HOOK2: variants seen among roughly 807,000 people sequenced by gnomAD.
The protein encoded by HOOK2 is hook microtubule tethering protein 2, also known as protein Hook homolog 2.
HOOK2 carries 108 observed loss-of-function variants against 111.9 expected under a neutral mutation model. The ratio of observed to expected loss-of-function variants is 0.96; its 90% CI spans 0.83 to 1.13. The LOEUF (loss-of-function observed/expected upper bound fraction) is 1.13, where lower values mean the gene tolerates loss of function less well. HOOK2 is among the 50% of genes most tolerant of loss of function. The probability of loss-of-function intolerance (pLI) is 0.00; values close to 1 mark genes in which losing one functional copy is unlikely to be tolerated. For missense variants in HOOK2, 978 were observed against 951.3 expected (o/e 1.03, Z -0.37); for synonymous variants, 405 against 394.3 (o/e 1.03, Z -0.32).
chr19:12,780,449 C>T (rs1274327761), upstream of HOOK2, among the ~76,000 whole-genome samples: 1 of 151,308 alleles, frequency 6.6e-6, no homozygotes, highest in African/African-American at 2.4e-5. Flanking sequence ...CTCCGCCTCC[C>T]GGGTTCACAC....
Position 12,772,172 on chromosome 19 carries a change from T to A in HOOK2, c.519+18A>T. On this transcript the variant is annotated intron_variant, in intron 7 of 22. Coordinates refer to ENST00000397668, the MANE Select transcript of HOOK2 (RefSeq NM_013312.3). ...GCTGATCCCTGTGCCTGGAACACCT[T>A]TCCCCCAAATCTCTTACCTGGCTGT... 1.4e-5 allele frequency: 22 copies of A among 1,587,726 alleles called. 1 individual carries two copies. The highest frequency in any genetic ancestry group is 1.9e-5 in the Non-Finnish European group (22 of 1,155,920).
rs769507524 is a variant in HOOK2, at chr19:12,764,790, T to C, written c.1827+24A>G. ...AAGTAAGAAGCCAGGGCAGGCAACT[T>C]GTGGGAACACCCAGCGTCCTCACCA... is the stretch of plus-strand genomic sequence containing the variant. On this transcript the variant is annotated intron_variant, in intron 20 of 22. Coordinates refer to ENST00000397668, the MANE Select transcript of HOOK2 (RefSeq NM_013312.3). The C allele has an allele frequency of 6.9e-6, 11 of 1,599,718 alleles. No homozygotes were observed. The South Asian group carries it at 1.2e-4, about 18-fold the overall frequency.
In HOOK2 at chr19:12,791,256, G is replaced by T. The variant is rs868243062; in HGVS notation, n.42-17031C>A. 6.6e-6 allele frequency among the ~76,000 whole-genome samples: 1 copy of T among 152,052 alleles called. No homozygotes were observed. Among genetic ancestry groups the T allele is most frequent in the East Asian group, 1.9e-4 (1 of 5,178 alleles). On this transcript the variant is annotated intron_variant and non_coding_transcript_variant, in intron 3 of 3. Coordinates refer to the HOOK2 transcript ENST00000589765. This position sits in a 1 kb window ranked among gnomAD's most constrained non-coding sequence, Gnocchi z 7.0. ...GGCCCCCCAGCACCTCCTTCCATGC[G>T]TACCCCGAGGTCCTTTGAGCCCCTC... is the stretch of plus-strand genomic sequence containing the variant.
At position 12,767,413 on chromosome 19, in the gene HOOK2, ATC is replaced by A. The variant is rs760993062; in HGVS notation, c.1353_1354del (p.Glu451AspfsTer81). ...AGGATACCTGAGCTCCGCAGGCAGG[ATC>A]TCTGCGGCTAAGTTATCCACGGGTG... On this transcript the variant is annotated frameshift_variant, in exon 14 of 23. Transcript: ENST00000397668. LOFTEE classifies it high-confidence loss of function. 2 of 1,613,930 alleles carry A rather than the reference ATC, an allele frequency of 1.2e-6. No individual in the cohort carries two copies. Among genetic ancestry groups the A allele is most frequent in the South Asian group, 2.2e-5 (2 of 91,072 alleles).
upstream of HOOK2, among the ~76,000 whole-genome samples, chr19:12,782,864 G>A (rs1431419413): frequency 6.8e-6 from 1 of 146,520 alleles, no homozygotes; most frequent in Non-Finnish European, 1.5e-5. Flanking sequence ...TTGGGGGAGG[G>A]ACCTTTCCCA....
chr19:12,769,835 T>C, intron 11 of HOOK2, 46 bp downstream of exon 11: 1 of 1,360,832 alleles, frequency 7.3e-7, no homozygotes, highest in East Asian at 3.1e-5. Context: ...GTGAGAGACT[T>C]GCTGCCAGGG....
chr19:12,765,933 A>C lies in HOOK2; in HGVS notation c.1593T>G (p.Thr531=). 2 of 1,613,998 alleles carry C rather than the reference A, an allele frequency of 1.2e-6. 1 individual carries two copies. The highest frequency in any genetic ancestry group is 2.2e-5 in the South Asian group (2 of 91,078). Reference sequence around the variant, plus strand: ...GGTGGTGGGTGACACTCACATCTTCAGTCTTGCCCCCCTGCTCCTGCAGGG... The same window carrying C: ...GGTGGTGGGTGACACTCACATCTTCCGTCTTGCCCCCCTGCTCCTGCAGGG... ...QKALQEQGGK[T]EDAISILLKR... is the part of the protein sequence containing the mutation. Residue 531 remains threonine (T), a synonymous_variant, in exon 16 of 23, where the codon ACT becomes ACG. Coordinates refer to ENST00000397668, the MANE Select transcript of HOOK2 (RefSeq NM_013312.3).
chr19:12,773,984 G>A (rs957358602), intron 3 of HOOK2: 3 of 153,142 alleles, frequency 2.0e-5, no homozygotes, highest in African/African-American at 7.2e-5. Flanking sequence ...TTCACTTGGA[G>A]ATTAACCCAT....
intron 11 of HOOK2, 53 bp downstream of exon 11, chr19:12,769,828 A>G (rs1216288656): frequency 2.2e-6 from 3 of 1,343,872 alleles, no homozygotes; most frequent in Non-Finnish European, 1.9e-6. Context: ...GCCAACGGTG[A>G]GAGACTTGCT....
At chr19:12,766,316 G>C in intron 14 of HOOK2, 76 bp from the exon 15 acceptor site, 2 of 1,447,162 alleles carry the variant, frequency 1.4e-6, no homozygotes, top group South Asian at 2.8e-5. Flanking sequence ...GGAGAGTGGA[G>C]CTAGGGGCGG....
Position 12,763,760 on chromosome 19 carries a change from G to A in HOOK2, c.1846C>T (p.Pro616Ser). 12 of 1,614,150 alleles carry A rather than the reference G, an allele frequency of 7.4e-6. No homozygotes were observed. Among genetic ancestry groups the A allele is most frequent in the Non-Finnish European group, 1.0e-5 (12 of 1,180,008 alleles). ...GCCCCCGCAGCTGGCCGCTGCTTGG[G>A]TTCCATGGTCTGCATGACCTACAGG... is the stretch of plus-strand genomic sequence containing the variant. ...KARMVMQTME[P>S]KQRPAAGAPP... Residue 616 changes from proline (P) to serine (S), a missense_variant, in exon 21 of 23, where the codon CCC (proline) becomes TCC (serine). Pro to Ser is a moderately conservative substitution (Grantham distance 74, BLOSUM62 -1). Around this residue, in one of 5 missense-constraint regions of HOOK2, gnomAD observed 277 missense variants for 265.8 expected, o/e 1.04. Transcript: ENST00000397668.
At position 12,767,425 on chromosome 19, in the gene HOOK2, A is replaced by C. The variant is rs770516019; in HGVS notation, c.1343T>G (p.Leu448Ter). ...CTCCGCAGGCAGGATCTCTGCGGCT[A>C]AGTTATCCACGGGTGTGGAGGTGGG... ...LDPTSTPVDN[L>*]AAEILPAELR... is the part of the protein sequence containing the mutation. The change falls in exon 14 of 23, where the codon TTA becomes TGA. Residue 448 changes from leucine to a stop codon, truncating the protein, a stop_gained. Transcript: ENST00000397668. LOFTEE classifies it high-confidence loss of function. 4 of 1,613,866 alleles carry C rather than the reference A, an allele frequency of 2.5e-6. No individual in the cohort carries two copies. In the Admixed American group the frequency reaches 6.7e-5, roughly 27 times the overall value.
In HOOK2 at chr19:12,764,878, T is replaced by C. The variant is rs1568359377; in HGVS notation, c.1763A>G (p.Lys588Arg). 1 of 1,614,162 alleles carries C rather than the reference T, an allele frequency of 6.2e-7. No homozygotes were observed. The highest frequency in any genetic ancestry group is 8.5e-7 in the Non-Finnish European group (1 of 1,180,046). The change falls in exon 20 of 23, where the codon AAG (lysine) becomes AGG (arginine). Residue 588 changes from lysine (K) to arginine (R), a missense_variant. By Grantham distance (26) the Lys-to-Arg change is conservative. Coordinates refer to ENST00000397668, the MANE Select transcript of HOOK2 (RefSeq NM_013312.3). ...RIEELQHNLQ[K>R]KDADLRAMEE... ...CATGGCCCGCAAGTCCGCGTCCTTC[T>C]TCTGCAAGTTATGCTGCAGCTCCTC... is the stretch of plus-strand genomic sequence containing the variant.
Position 12,767,826 on chromosome 19 carries a change from C to T in HOOK2, c.1293G>A (p.Leu431=), listed in dbSNP as rs1401857465. The T allele has an allele frequency of 6.2e-7, 1 of 1,602,666 alleles. No individual in the cohort carries two copies. The highest frequency in any genetic ancestry group is 8.5e-7 in the Non-Finnish European group (1 of 1,179,876). ...GGGGCTTCATCTCACCGGCCTGGGT[C>T]AACCCCCGCGGCTGCAGCTGGGCGC... The part of the protein sequence containing the change: ...LRCAQLQPRG[L]TQADPSLDPT... The change falls in exon 13 of 23, where the codon TTG becomes TTA. Residue 431 remains leucine, a synonymous_variant. Coordinates refer to ENST00000397668, the MANE Select transcript of HOOK2 (RefSeq NM_013312.3).
chr19:12,774,767 A>T, intron 2 of HOOK2, 26 bp from the exon 3 acceptor site: 1 of 1,613,244 alleles, frequency 6.2e-7, no homozygotes, highest in East Asian at 2.2e-5. Flanking sequence ...TGGGATGAGC[A>T]GACTGGGGGA....
intron 1 of HOOK2, 151 bp downstream of exon 1, chr19:12,775,254 G>A: frequency 1.4e-6 from 2 of 1,450,724 alleles, no homozygotes; most frequent in Non-Finnish European, 9.1e-7. Context: ...CGTGACGGGG[G>A]CGGGTGCTCG....
intron 3 of HOOK2, chr19:12,785,010 G>A (rs757717989): frequency 1.3e-5 from 2 of 152,372 alleles, no homozygotes; most frequent in African/African-American, 2.4e-5. Flanking sequence ...AACAGATTGG[G>A]TAGATCTGGG....
rs1191452699 is a variant in HOOK2, at chr19:12,763,148, A to G, written c.*134T>C. ...TACCTCCCGCCCTCCCTCCCCACCA[A>G]TCTGGGAGAGGGAAGAGCAGAGATC... On this transcript the variant is annotated 3_prime_UTR_variant, in exon 23 of 23. Transcript: ENST00000397668. 6 of 829,828 alleles carry G rather than the reference A, an allele frequency of 7.2e-6. No homozygotes were observed. Among genetic ancestry groups the G allele is most frequent in the South Asian group, 3.4e-5 (2 of 58,588 alleles). 51.4% of individuals were successfully genotyped at this position (829,828 alleles called of 1,614,324 possible). A position where few individuals can be genotyped will look rare whatever the true frequency, so the allele number is the denominator to read the frequency against.
At chr19:12,769,367 G>A (rs1968247121) in intron 11 of HOOK2, among the ~76,000 whole-genome samples, 2 of 150,858 alleles carry the variant, frequency 1.3e-5, no homozygotes, top group African/African-American at 2.4e-5. Context: ...GGAGTTATGG[G>A]GTGCCCGCCT....
Sources: allele counts gnomAD v4.1 joint callset (sites outside exome capture counted in the v4.1 genomes callset), GRCh38; gene constraint gnomAD v4.1.1; regional missense constraint gnomAD v4.1.1; non-coding constraint Gnocchi (gnomAD v3.1); transcripts MANE v1.5; gene names NCBI Gene and HGNC (gene_info 2026-07-23, HGNC 2026-07-21).